The following GABRB1 variants were observed in gnomAD, a reference collection of about 807,000 sequenced individuals.
GABRB1 encodes gamma-aminobutyric acid type A receptor subunit beta1.
A neutral mutation model predicts 51.6 loss-of-function variants in GABRB1; 17 were observed. That is an observed-to-expected ratio of 0.33 (90% CI 0.23 to 0.49). The LOEUF (loss-of-function observed/expected upper bound fraction) is 0.49, where lower values mean the gene tolerates loss of function less well. GABRB1 is among the 20% of genes least tolerant of loss of function. GABRB1 has a pLI of 0.99. For synonymous variants in GABRB1, 247 were observed against 218.9 expected (o/e 1.13, Z -1.14); for missense variants, 410 against 600.6 (o/e 0.68, Z 3.32).
At chr4:47,349,747 A>G (rs1726240429) in intron 5 of GABRB1, among the ~76,000 whole-genome samples, 2 of 152,226 alleles carry the variant, frequency 1.3e-5, no homozygotes, top group African/African-American at 4.8e-5. Flanking sequence ...GCCCATGCGG[A>G]TTTGTCTCAT....
intron 3 of GABRB1, among the ~76,000 whole-genome samples, chr4:47,140,959 T>G (rs780273802): frequency 6.6e-6 from 1 of 151,900 alleles, no homozygotes; most frequent in Non-Finnish European, 1.5e-5. Context: ...TCCCTCAGAG[T>G]GTTTGTGAGA....
At chr4:47,366,808 T>C (rs972248238) in intron 5 of GABRB1, among the ~76,000 whole-genome samples, 1 of 152,220 alleles carries the variant, frequency 6.6e-6, no homozygotes, top group Non-Finnish European at 1.5e-5. Context: ...TTCACTGTCA[T>C]GGAAGAATTA....
At chr4:47,200,255 G>T (rs1030933513) in intron 4 of GABRB1, among the ~76,000 whole-genome samples, 5 of 152,114 alleles carry the variant, frequency 3.3e-5, no homozygotes, top group African/African-American at 1.2e-4. Flanking sequence ...GGTACATGGG[G>T]AGTGGTATGC....
At chr4:47,129,142 C>A (rs537951576) in intron 3 of GABRB1, among the ~76,000 whole-genome samples, 10 of 152,232 alleles carry the variant, frequency 6.6e-5, no homozygotes, top group African/African-American at 2.4e-4. Context: ...ATAGCAACAA[C>A]CCTAGTGTGA....
At chr4:47,300,784 A>G (rs1485102097) in intron 4 of GABRB1, among the ~76,000 whole-genome samples, 1 of 152,154 alleles carries the variant, frequency 6.6e-6, no homozygotes, top group Non-Finnish European at 1.5e-5. Flanking sequence ...CCAAAAACTC[A>G]TAGTCCAAAT....
At chr4:47,417,708 G>A (rs1038150078) in intron 8 of GABRB1, among the ~76,000 whole-genome samples, 2 of 152,160 alleles carry the variant, frequency 1.3e-5, no homozygotes, top group African/African-American at 4.8e-5. Context: ...ACTTCACTTG[G>A]TTTCCTGCTC....
At chr4:47,062,069 C>T (rs945737454) in intron 3 of GABRB1, among the ~76,000 whole-genome samples, 5 of 152,116 alleles carry the variant, frequency 3.3e-5, no homozygotes, top group Non-Finnish European at 7.3e-5. Context: ...TGCTGCTTTG[C>T]ACCTTACTGG....
chr4:47,161,584 G>T, intron 4 of GABRB1, 115 bp downstream of exon 4: 3 of 761,906 alleles, frequency 3.9e-6, no homozygotes, highest in Non-Finnish European at 6.4e-6. Context: ...ATATAAATGG[G>T]GTGTCATATA....
chr4:47,019,503 G>C (rs1244545946), intron 1 of GABRB1, among the ~76,000 whole-genome samples: 2 of 150,936 alleles, frequency 1.3e-5, no homozygotes, highest in Non-Finnish European at 2.9e-5. Context: ...TTTTCTCATA[G>C]TTCTGGAGGC....
chr4:47,111,859 CA>C (rs1169822951), intron 3 of GABRB1, among the ~76,000 whole-genome samples: 1 of 151,856 alleles, frequency 6.6e-6, no homozygotes, highest in Non-Finnish European at 1.5e-5. Flanking sequence ...TGAGACCCTG[CA>C]ATGCAACAAT....
intron 3 of GABRB1, among the ~76,000 whole-genome samples, chr4:47,073,640 GTTAC>G (rs750011505): frequency 1.8e-4 from 27 of 152,118 alleles, no homozygotes; most frequent in Non-Finnish European, 3.1e-4. Context: ...GTTTCTAGAA[GTTAC>G]TTTTGCCTTT....
intron 5 of GABRB1, among the ~76,000 whole-genome samples, chr4:47,336,795 C>T (rs573978826): frequency 2.0e-5 from 3 of 152,208 alleles, no homozygotes; most frequent in Admixed American, 2.0e-4. Flanking sequence ...GAGATAATTA[C>T]AGTTATGAGG....
chr4:47,057,421 G>A (rs1726661524), intron 3 of GABRB1, among the ~76,000 whole-genome samples: 1 of 152,158 alleles, frequency 6.6e-6, no homozygotes. Flanking sequence ...GCAAAACAAA[G>A]AATTAAATAT....
At chr4:47,173,175 T>C (rs893844970) in intron 4 of GABRB1, among the ~76,000 whole-genome samples, 4 of 152,224 alleles carry the variant, frequency 2.6e-5, no homozygotes, top group African/African-American at 9.6e-5. Flanking sequence ...GCTGAGTTAG[T>C]TGTTTGTTCG....
At chr4:47,057,945 G>A (rs1276854113) in intron 3 of GABRB1, among the ~76,000 whole-genome samples, 1 of 152,180 alleles carries the variant, frequency 6.6e-6, no homozygotes, top group East Asian at 1.9e-4. Context: ...CTTTAGCTAT[G>A]GTAGGAAAGT....
intron 3 of GABRB1, among the ~76,000 whole-genome samples, chr4:47,153,826 A>G (rs371951108): frequency 1.2e-4 from 19 of 152,222 alleles, no homozygotes; most frequent in African/African-American, 4.3e-4. Flanking sequence ...AAATGGGGCT[A>G]TTTAGGATGC....
chr4:47,252,745 T>G (rs1392062972), intron 4 of GABRB1, among the ~76,000 whole-genome samples: 2 of 152,074 alleles, frequency 1.3e-5, no homozygotes, highest in Non-Finnish European at 2.9e-5. Flanking sequence ...AGATCTCAAG[T>G]GATCCACCCA....
chr4:47,147,623 C>T (rs1320872498), intron 3 of GABRB1, among the ~76,000 whole-genome samples: 1 of 152,050 alleles, frequency 6.6e-6, no homozygotes, highest in East Asian at 1.9e-4. Context: ...TGTGGGAGCA[C>T]GTCGGAAGGG....
intron 5 of GABRB1, among the ~76,000 whole-genome samples, chr4:47,379,744 T>C (rs546615795): frequency 6.6e-6 from 1 of 152,312 alleles, no homozygotes; most frequent in South Asian, 2.1e-4. Context: ...AGGGTAATTT[T>C]TTTCTATAGT....
Sources: gnomAD v4.1 joint callset for allele counts (sites outside exome capture counted in the v4.1 genomes callset) on GRCh38, gnomAD v4.1.1 for gene constraint, MANE v1.5 for transcripts, NCBI Gene and HGNC (gene_info 2026-07-23, HGNC 2026-07-21) for gene names.